Variants in COL19A1 observed in about 807,000 individuals in gnomAD.
COL19A1 encodes collagen alpha-1(XIX) chain.
COL19A1 carries 159 observed loss-of-function variants against 190.2 expected under a neutral mutation model. That is an observed-to-expected ratio of 0.84 (90% CI 0.73 to 0.95). The LOEUF (loss-of-function observed/expected upper bound fraction) is 0.95. COL19A1 is among the 40% of genes least tolerant of loss of function. The pLI is 0.00. For synonymous variants in COL19A1, 509 were observed against 458.9 expected (o/e 1.11, Z -1.39); for missense variants, 1,418 against 1,431.9 (o/e 0.99, Z 0.16).
At chr6:70,191,440 A>G (rs1766868784) in intron 48 of COL19A1, among the ~76,000 whole-genome samples, 1 of 152,138 alleles carries the variant, frequency 6.6e-6, no homozygotes, top group East Asian at 1.9e-4. Context: ...GGCTGACCCT[A>G]TAACTTTGTG....
intron 48 of COL19A1, among the ~76,000 whole-genome samples, chr6:70,195,136 G>GAGAT (rs1554226200): frequency 7.4e-6 from 1 of 136,030 alleles, no homozygotes; most frequent in East Asian, 2.1e-4. Flanking sequence ...CATCATTGAT[G>GAGAT]ATATATATAT....
chr6:70,192,687 A>G (rs1467391164), intron 48 of COL19A1, among the ~76,000 whole-genome samples: 1 of 152,212 alleles, frequency 6.6e-6, no homozygotes, highest in Non-Finnish European at 1.5e-5. Context: ...TTCAGTGCAC[A>G]GTGAAAATGC....
At chr6:69,939,148 A>T (rs1480952136) in intron 9 of COL19A1, among the ~76,000 whole-genome samples, 1 of 152,118 alleles carries the variant, frequency 6.6e-6, no homozygotes, top group East Asian at 1.9e-4. Context: ...TTTGAAAAAG[A>T]TTTTTGAGGA....
At chr6:69,913,258 T>A (rs912347572) in intron 4 of COL19A1, among the ~76,000 whole-genome samples, 4 of 152,190 alleles carry the variant, frequency 2.6e-5, no homozygotes, top group African/African-American at 4.8e-5. Flanking sequence ...ATTTCTACCT[T>A]CAGCTTTGAT....
Position 70,133,747 on chromosome 6 carries a change from C to A in COL19A1, c.1383+3524C>A, listed in dbSNP as rs973639472. 5.9e-5 allele frequency among the ~76,000 whole-genome samples: 9 copies of A among 152,288 alleles called. No individual in the cohort carries two copies. The South Asian group carries it at 8.3e-4, about 14-fold the overall frequency. On this transcript the variant is annotated intron_variant, in intron 18 of 50. Transcript: ENST00000620364. ...TCATCACTTGTGTTTCAACTCATCT[C>A]TACAGTGATAAATCACTGAACATTC...
At chr6:70,017,052 A>G (rs1233149534) in intron 11 of COL19A1, among the ~76,000 whole-genome samples, 1 of 152,110 alleles carries the variant, frequency 6.6e-6, no homozygotes, top group African/African-American at 2.4e-5. Context: ...AAAGATGTTT[A>G]TTTTATTGTT....
intron 11 of COL19A1, among the ~76,000 whole-genome samples, chr6:69,972,385 A>G (rs1454926093): frequency 6.6e-6 from 1 of 152,240 alleles, no homozygotes; most frequent in Admixed American, 6.5e-5. Flanking sequence ...AGCTTCAAGA[A>G]AACAACGACC....
At chr6:70,009,368 C>CA (rs1237504472) in intron 11 of COL19A1, among the ~76,000 whole-genome samples, 1 of 151,820 alleles carries the variant, frequency 6.6e-6, no homozygotes, top group Non-Finnish European at 1.5e-5. Flanking sequence ...AACAATCAAT[C>CA]AAAAAAATGA....
chr6:70,059,095 A>G (rs1780672366), intron 14 of COL19A1, among the ~76,000 whole-genome samples: 1 of 152,116 alleles, frequency 6.6e-6, no homozygotes, highest in African/African-American at 2.4e-5. Flanking sequence ...TGAAACACAG[A>G]AAATCCCCTA....
chr6:70,163,605 T>C (rs1369818914), intron 36 of COL19A1, among the ~76,000 whole-genome samples: 3 of 152,138 alleles, frequency 2.0e-5, no homozygotes, highest in Non-Finnish European at 4.4e-5. Context: ...AAAGGATAAA[T>C]AGAATATTGG....
At chr6:69,953,484 C>T (rs1049100045) in intron 9 of COL19A1, among the ~76,000 whole-genome samples, 2 of 151,966 alleles carry the variant, frequency 1.3e-5, no homozygotes, top group Non-Finnish European at 1.5e-5. Flanking sequence ...ATTTAATTGT[C>T]TTATCTATAG....
intron 2 of COL19A1, among the ~76,000 whole-genome samples, chr6:69,895,275 T>C (rs912754551): frequency 6.6e-6 from 1 of 152,076 alleles, no homozygotes; most frequent in South Asian, 2.1e-4. Context: ...CAGAGGGTGG[T>C]GGGGTGGTTT....
chr6:70,180,710 T>A (rs1429771895), intron 44 of COL19A1, among the ~76,000 whole-genome samples, 187 bp downstream of exon 44: 1 of 152,206 alleles, frequency 6.6e-6, no homozygotes, highest in African/African-American at 2.4e-5. Context: ...GTGTGTGGTA[T>A]CTTTATGTCT....
chr6:69,941,738 G>A (rs1219492655), intron 9 of COL19A1, among the ~76,000 whole-genome samples: 1 of 150,378 alleles, frequency 6.6e-6, no homozygotes, highest in African/African-American at 2.5e-5. Flanking sequence ...ACCCAGGCTG[G>A]AGTGCAATGG....
chr6:70,054,374 T>A (rs1362808491), intron 14 of COL19A1, among the ~76,000 whole-genome samples: 1 of 152,084 alleles, frequency 6.6e-6, no homozygotes, highest in Non-Finnish European at 1.5e-5. Flanking sequence ...AAAAAAGATA[T>A]TTCACATGAT....
intron 1 of COL19A1, among the ~76,000 whole-genome samples, chr6:69,868,457 A>C (rs75370197): frequency 0.059 from 8,927 of 152,174 alleles, 869 homozygotes; most frequent in African/African-American, 0.2. Context: ...CAGAGGCAGA[A>C]AATTTATGCT....
intron 16 of COL19A1, among the ~76,000 whole-genome samples, chr6:70,106,579 A>G (rs1157473590): frequency 2.0e-5 from 3 of 152,236 alleles, no homozygotes; most frequent in Non-Finnish European, 4.4e-5. Context: ...TGAAATTTAT[A>G]CACATGCAAT....
At chr6:70,020,560 T>C (rs1778360573) in intron 11 of COL19A1, among the ~76,000 whole-genome samples, 1 of 152,172 alleles carries the variant, frequency 6.6e-6, no homozygotes, top group South Asian at 2.1e-4. Context: ...ATTGCTTTGA[T>C]ATGTTGTAGG....
intron 2 of COL19A1, among the ~76,000 whole-genome samples, chr6:69,896,263 C>A (rs577639624): frequency 2.8e-4 from 43 of 152,224 alleles, no homozygotes; most frequent in African/African-American, 7.7e-4. Context: ...ACAGGCCGGG[C>A]GCGGTGGCTC....
Sources: gnomAD v4.1 joint callset for allele counts (sites outside exome capture counted in the v4.1 genomes callset) on GRCh38, gnomAD v4.1.1 for gene constraint, MANE v1.5 for transcripts, NCBI Gene and HGNC (gene_info 2026-07-23, HGNC 2026-07-21) for gene names.